ADAMTS2: variants seen among roughly 807,000 people sequenced by gnomAD.
ADAMTS2 encodes the protein A disintegrin and metalloproteinase with thrombospondin motifs 2.
ADAMTS2 carries 50 observed loss-of-function variants against 123.0 expected under a neutral mutation model. The ratio of observed to expected loss-of-function variants is 0.41; its 90% CI spans 0.32 to 0.51. The LOEUF (loss-of-function observed/expected upper bound fraction) is 0.51. Ranked by LOEUF, ADAMTS2 falls within the 20% of genes least tolerant of loss-of-function variation. The pLI is 0.35. For synonymous variants in ADAMTS2, 678 were observed against 695.4 expected (o/e 0.98, Z 0.39); for missense variants, 1,494 against 1,705.2 (o/e 0.88, Z 2.18).
intron 10 of ADAMTS2, among the ~76,000 whole-genome samples, chr5:179,149,935 C>T (rs1340533077): frequency 1.3e-5 from 2 of 152,108 alleles, no homozygotes; most frequent in Non-Finnish European, 2.9e-5. Context: ...GCAGAGGATC[C>T]TACCACCAAA....
chr5:179,325,933 A>G (rs1235361146), intron 2 of ADAMTS2, among the ~76,000 whole-genome samples: 1 of 152,208 alleles, frequency 6.6e-6, no homozygotes, highest in African/African-American at 2.4e-5. Context: ...CCTCTGGGCC[A>G]CACCCTCCGG....
intron 3 of ADAMTS2, among the ~76,000 whole-genome samples, chr5:179,264,729 C>A (rs1267624411): frequency 1.3e-5 from 2 of 152,210 alleles, no homozygotes; most frequent in Admixed American, 6.5e-5. Flanking sequence ...GAGCACTGGG[C>A]AGGCGCCCTG....
chr5:179,329,195 C>T (rs367640823), intron 2 of ADAMTS2, among the ~76,000 whole-genome samples: 213 of 152,040 alleles, frequency 1.4e-3, no homozygotes, highest in Middle Eastern at 6.8e-3. Context: ...GGTGTGGTGG[C>T]GGGCGCCTGT....
chr5:179,142,936 C>G (rs546813063), intron 10 of ADAMTS2, among the ~76,000 whole-genome samples: 1 of 152,256 alleles, frequency 6.6e-6, no homozygotes, highest in East Asian at 1.9e-4. Flanking sequence ...GAAAGTGTGA[C>G]CCATACGCAG....
intron 2 of ADAMTS2, among the ~76,000 whole-genome samples, chr5:179,329,131 T>G (rs538516558): frequency 5.3e-4 from 81 of 152,020 alleles, no homozygotes; most frequent in Admixed American, 9.8e-4. Context: ...ATGGAGACCA[T>G]CCTGGCTAAC....
intron 10 of ADAMTS2, among the ~76,000 whole-genome samples, chr5:179,144,097 A>G (rs1763215647): frequency 6.6e-6 from 1 of 152,216 alleles, no homozygotes; most frequent in Admixed American, 6.5e-5. Context: ...AGGAAACAAG[A>G]CCAATATACA....
In ADAMTS2 at chr5:179,308,516, C is replaced by T. The variant is rs1332529560; in HGVS notation, c.534+35251G>A. On this transcript the variant is annotated intron_variant, in intron 2 of 21. Transcript: ENST00000251582. This position sits in a 1 kb window ranked among gnomAD's most constrained non-coding sequence, Gnocchi z 6.6. ...AGAGCCCACAGGAGCTCCTGCAATG[C>T]GATGACCATGCCTGCAGGCCCCCAT... is the stretch of plus-strand genomic sequence containing the variant. Among the ~76,000 whole-genome samples, 5 of 152,140 alleles carry T rather than the reference C, an allele frequency of 3.3e-5. No individual in the cohort carries two copies. Among genetic ancestry groups the T allele is most frequent in the Non-Finnish European group, 5.9e-5 (4 of 68,024 alleles).
intron 2 of ADAMTS2, among the ~76,000 whole-genome samples, chr5:179,322,316 C>G (rs963016491): frequency 6.6e-6 from 1 of 152,182 alleles, no homozygotes; most frequent in African/African-American, 2.4e-5. Context: ...ACGGCCCGTG[C>G]CTTCTTTGAA....
chr5:179,322,640 T>C (rs1430136123), intron 2 of ADAMTS2, among the ~76,000 whole-genome samples: 1 of 152,064 alleles, frequency 6.6e-6, no homozygotes, highest in Non-Finnish European at 1.5e-5. Context: ...GCTGCCTCTG[T>C]AATATAAGAA....
rs186505846 is a variant in ADAMTS2, at chr5:179,124,846, A to G, written c.2958+127T>C. The G allele has an allele frequency of 2.1e-3, 3,404 of 1,599,862 alleles. 6 individuals are homozygous for G. The highest frequency in any genetic ancestry group is 2.6e-3 in the Non-Finnish European group (3,055 of 1,173,852). ...CGGCTCTCAGGCCGGGCGTCATTGC[A>G]GTGCTTGGCATGCACGGAGCGGGTG... On this transcript the variant is annotated intron_variant, in intron 19 of 21. Transcript: ENST00000251582.
At chr5:179,275,571 G>C (rs1766672310) in intron 2 of ADAMTS2, among the ~76,000 whole-genome samples, 1 of 152,204 alleles carries the variant, frequency 6.6e-6, no homozygotes, top group Non-Finnish European at 1.5e-5. Flanking sequence ...AGGGGGATTA[G>C]GCAGATGCGC....
chr5:179,318,969 C>T (rs34418943), intron 2 of ADAMTS2, among the ~76,000 whole-genome samples: 7,013 of 152,288 alleles, frequency 0.046, 256 homozygotes, highest in Non-Finnish European at 0.076. Flanking sequence ...CACAGCTGCA[C>T]GCTATTTCTC....
chr5:179,148,612 G>A (rs368804403), intron 10 of ADAMTS2, among the ~76,000 whole-genome samples: 4 of 152,244 alleles, frequency 2.6e-5, no homozygotes, highest in African/African-American at 9.6e-5. Context: ...CATTGCTGGG[G>A]AGCCGTCCTC....
At chr5:179,277,210 G>A (rs1190205563) in intron 2 of ADAMTS2, among the ~76,000 whole-genome samples, 4 of 152,110 alleles carry the variant, frequency 2.6e-5, no homozygotes, top group Non-Finnish European at 5.9e-5. Flanking sequence ...CAACACAGAC[G>A]TTCAACATGC....
At chr5:179,210,075 C>T (rs913427915) in intron 3 of ADAMTS2, among the ~76,000 whole-genome samples, 2 of 152,212 alleles carry the variant, frequency 1.3e-5, no homozygotes, top group African/African-American at 4.8e-5. Flanking sequence ...CTAGAACATC[C>T]AGCTTCTCTT....
intron 13 of ADAMTS2, among the ~76,000 whole-genome samples, chr5:179,135,239 T>C (rs73344617): frequency 0.21 from 30,528 of 142,610 alleles, 3,416 homozygotes; most frequent in African/African-American, 0.24. Flanking sequence ...TTCCTGCCGA[T>C]GCGGCTGTTT....
chr5:179,172,301 C>A (rs979824887), intron 5 of ADAMTS2, among the ~76,000 whole-genome samples: 1 of 152,226 alleles, frequency 6.6e-6, no homozygotes, highest in Admixed American at 6.5e-5. Context: ...GACAACCGGT[C>A]CCCTGCCCAC....
chr5:179,187,099 C>A (rs974120654), intron 4 of ADAMTS2, among the ~76,000 whole-genome samples: 1 of 152,126 alleles, frequency 6.6e-6, no homozygotes, highest in Non-Finnish European at 1.5e-5. Context: ...CCCTCTCCTG[C>A]TGCCTGTGCT....
chr5:179,226,276 C>CTTTT (rs112956370), intron 3 of ADAMTS2, among the ~76,000 whole-genome samples: 2 of 132,294 alleles, frequency 1.5e-5, no homozygotes, highest in East Asian at 2.1e-4. Context: ...TTCCTTCTTT[C>CTTTT]TTTTTTTTTT....
Sources: allele counts gnomAD v4.1 joint callset (sites outside exome capture counted in the v4.1 genomes callset), GRCh38; gene constraint gnomAD v4.1.1; non-coding constraint Gnocchi (gnomAD v3.1); transcripts MANE v1.5; gene names NCBI Gene and HGNC (gene_info 2026-07-23, HGNC 2026-07-21).